Variants in ADGRL3 observed in about 807,000 individuals in gnomAD.
The protein encoded by ADGRL3 is calcium-independent alpha-latrotoxin receptor 3.
Under a neutral mutation model 153.5 loss-of-function variants are expected in ADGRL3, and 62 were observed. The observed-to-expected ratio is 0.40, with a 90% CI of 0.33 to 0.50. ADGRL3 has a LOEUF of 0.50. Among genes scored for constraint, ADGRL3 ranks in the 20% least tolerant of loss-of-function variants. The pLI is 0.47. For synonymous variants in ADGRL3, 710 were observed against 672.5 expected (o/e 1.06, Z -0.86); for missense variants, 1,641 against 1,859.4 (o/e 0.88, Z 2.16).
At chr4:61,260,307 T>G (rs1353434923) in intron 1 of ADGRL3, among the ~76,000 whole-genome samples, 1 of 152,228 alleles carries the variant, frequency 6.6e-6, no homozygotes, top group Non-Finnish European at 1.5e-5. Context: ...AACCAAGTGC[T>G]GTTGACATGA....
chr4:62,046,547 T>C (rs1731227191), intron 25 of ADGRL3, among the ~76,000 whole-genome samples: 1 of 152,000 alleles, frequency 6.6e-6, no homozygotes, highest in Admixed American at 6.6e-5. Flanking sequence ...TAAGTCTGTT[T>C]ATCAAAATCT....
chr4:61,392,965 A>G (rs752643855), intron 2 of ADGRL3, among the ~76,000 whole-genome samples: 3 of 151,994 alleles, frequency 2.0e-5, no homozygotes, highest in Non-Finnish European at 4.4e-5. Context: ...AAGTTTCTCT[A>G]TCTATCTAAG....
chr4:61,718,932 AC>A (rs1420716169), intron 6 of ADGRL3, among the ~76,000 whole-genome samples: 1 of 152,250 alleles, frequency 6.6e-6, no homozygotes, highest in African/African-American at 2.4e-5. Flanking sequence ...ACTAAAACAA[AC>A]AAGACATGCA....
intron 5 of ADGRL3, among the ~76,000 whole-genome samples, chr4:61,649,605 A>AC (rs2094172878): frequency 1.3e-5 from 2 of 152,102 alleles, no homozygotes; most frequent in Admixed American, 1.3e-4. Flanking sequence ...CACGTAGCAA[A>AC]ACACAAAACC....
intron 8 of ADGRL3, among the ~76,000 whole-genome samples, chr4:61,743,388 G>A (rs2096608927): frequency 6.6e-6 from 1 of 150,794 alleles, no homozygotes; most frequent in Non-Finnish European, 1.5e-5. Flanking sequence ...ACAGGAGTAA[G>A]TGAAGAGTTC....
chr4:61,291,605 C>CATATATATAT (rs2094212519), intron 1 of ADGRL3, among the ~76,000 whole-genome samples: 2 of 8,054 alleles, frequency 2.5e-4, no homozygotes, highest in East Asian at 4.7e-3. Flanking sequence ...TATATATATA[C>CATATATATAT]ACACACATAT....
At chr4:61,615,576 T>TTGTGTGTG (rs138168643) in intron 5 of ADGRL3, among the ~76,000 whole-genome samples, 43 of 148,012 alleles carry the variant, frequency 2.9e-4, no homozygotes, top group Admixed American at 7.5e-4. Flanking sequence ...GGTTGGAATA[T>TTGTGTGTG]TGTGTGTGTG....
At chr4:62,035,903 G>A (rs1724723556) in intron 23 of ADGRL3, among the ~76,000 whole-genome samples, 1 of 152,026 alleles carries the variant, frequency 6.6e-6, no homozygotes, top group South Asian at 2.1e-4. Context: ...TATTTTCAGA[G>A]TCATTTTGAG....
At chr4:61,587,896 G>A (rs529068280) in intron 5 of ADGRL3, among the ~76,000 whole-genome samples, 6 of 152,026 alleles carry the variant, frequency 3.9e-5, no homozygotes, top group Admixed American at 3.3e-4. Context: ...TATTGATTAA[G>A]GATTAGTTGG....
intron 1 of ADGRL3, among the ~76,000 whole-genome samples, chr4:61,336,107 T>C (rs2095669286): frequency 6.6e-6 from 1 of 152,170 alleles, no homozygotes; most frequent in African/African-American, 2.4e-5. Context: ...ATGTACTTAT[T>C]TATTGTGTAT....
chr4:61,254,762 G>C (rs187700887), intron 1 of ADGRL3, among the ~76,000 whole-genome samples: 2 of 152,228 alleles, frequency 1.3e-5, no homozygotes, highest in Non-Finnish European at 2.9e-5. Flanking sequence ...AGGTTGACAG[G>C]CATCCAGGAT....
At chr4:62,048,629 T>C (rs1193824460) in intron 25 of ADGRL3, among the ~76,000 whole-genome samples, 1 of 152,048 alleles carries the variant, frequency 6.6e-6, no homozygotes, top group Non-Finnish European at 1.5e-5. Context: ...TGATCATAGC[T>C]CAGTGAAGCC....
At chr4:61,740,265 G>T (rs1280530223) in intron 8 of ADGRL3, among the ~76,000 whole-genome samples, 2 of 152,030 alleles carry the variant, frequency 1.3e-5, no homozygotes, top group Non-Finnish European at 2.9e-5. Flanking sequence ...GCTATTTTTT[G>T]TAAGATGTAC....
intron 9 of ADGRL3, among the ~76,000 whole-genome samples, chr4:61,830,664 C>G (rs966215274): frequency 1.3e-5 from 2 of 152,052 alleles, no homozygotes; most frequent in Non-Finnish European, 2.9e-5. Context: ...ATCAATTAAA[C>G]TATTTGACCA....
rs185749450 is a variant in ADGRL3 at position 61,573,291 on chromosome 4, C to G, written c.260-13936C>G. On this transcript the variant is annotated intron_variant, in intron 4 of 26. Coordinates refer to ENST00000683033, the MANE Select transcript of ADGRL3 (RefSeq NM_001387552.1). ...TTTTTCCAAATTAGAATTATGAAGT[C>G]GCCAAATTGAATTTGTGTTATCATC... Among the ~76,000 whole-genome samples the G allele has an allele frequency of 2.0e-5, 3 of 151,910 alleles. No individual in the cohort carries two copies. The East Asian group carries it at 5.8e-4, about 29-fold the overall frequency.
At chr4:61,525,153 G>GAA (rs2098552169) in intron 4 of ADGRL3, among the ~76,000 whole-genome samples, 3 of 151,614 alleles carry the variant, frequency 2.0e-5, no homozygotes, top group Admixed American at 6.6e-5. Flanking sequence ...TTTTAAAGAA[G>GAA]GAAATGACAT....
In ADGRL3 at chr4:61,200,724, G is replaced by C. The variant is rs915179633; in HGVS notation, c.-1281G>C. The stretch of plus-strand genomic sequence containing the variant: ...CGTGTGTGCGCGTGTGTGAGTGTGC[G>C]TGTCTGGAGAGCGCCAGTGCCTCGC... On this transcript the variant is annotated 5_prime_UTR_variant, in exon 1 of 27. Coordinates refer to ENST00000683033, the MANE Select transcript of ADGRL3 (RefSeq NM_001387552.1). Among the ~76,000 whole-genome samples, 1 of 152,094 alleles carries C rather than the reference G, an allele frequency of 6.6e-6. No homozygotes were observed. Among genetic ancestry groups the C allele is most frequent in the Non-Finnish European group, 1.5e-5 (1 of 68,000 alleles).
At chr4:61,215,981 G>T (rs2148933867) in intron 1 of ADGRL3, among the ~76,000 whole-genome samples, 1 of 152,172 alleles carries the variant, frequency 6.6e-6, no homozygotes, top group Admixed American at 6.5e-5. Flanking sequence ...GTAGAAGATA[G>T]GATGGTGGGT....
chr4:61,704,441 TA>T (rs2095822159), intron 6 of ADGRL3, among the ~76,000 whole-genome samples: 1 of 152,192 alleles, frequency 6.6e-6, no homozygotes, highest in African/African-American at 2.4e-5. Context: ...ATACCTTAAT[TA>T]AAAATATTTT....
Sources: gnomAD v4.1 joint callset for allele counts (sites outside exome capture counted in the v4.1 genomes callset) on GRCh38, gnomAD v4.1.1 for gene constraint, MANE v1.5 for transcripts, NCBI Gene and HGNC (gene_info 2026-07-23, HGNC 2026-07-21) for gene names.